ZFX: variants seen among roughly 807,000 people sequenced by gnomAD.
ZFX encodes zinc finger protein X-linked.
For synonymous variants in ZFX, 196 were observed against 226.8 expected (o/e 0.86, Z 1.22); for missense variants, 362 against 628.3 (o/e 0.58, Z 4.53).
chrX:24,199,045 CAA>C (rs2147934296), intron 5 of ZFX, among the ~76,000 whole-genome samples: 1 of 110,817 alleles, frequency 9.0e-6, no homozygotes, highest in Admixed American at 9.6e-5. Flanking sequence ...GAGGCTCCAG[CAA>C]AAGAGTGAGG....
chrX:24,153,281 C>G (rs1408518092), intron 3 of ZFX, among the ~76,000 whole-genome samples: 1 of 111,657 alleles, frequency 9.0e-6, no homozygotes, highest in Non-Finnish European at 1.9e-5. Flanking sequence ...GGGTAGATGG[C>G]CATCTGATAA....
intron 3 of ZFX, among the ~76,000 whole-genome samples, chrX:24,170,634 G>C (rs60782128): frequency 1.2e-5 from 1 of 85,376 alleles, no homozygotes; most frequent in African/African-American, 4.6e-5. Context: ...TTTTTGAGAC[G>C]GAGTGTTGCT....
chrX:24,157,340 T>G (rs2520333), intron 3 of ZFX, among the ~76,000 whole-genome samples: 42,925 of 110,730 alleles, frequency 0.39, 6,200 homozygotes, highest in South Asian at 0.77. Context: ...TGCTGAACTC[T>G]CATCATATTT....
At chrX:24,165,844 C>T (rs1009950579) in intron 3 of ZFX, among the ~76,000 whole-genome samples, 1 of 112,130 alleles carries the variant, frequency 8.9e-6, no homozygotes, top group Admixed American at 9.5e-5. Context: ...AGAATTTCAG[C>T]AAAAACTAAT....
chrX:24,205,557 A>T (rs1012262560), intron 5 of ZFX, among the ~76,000 whole-genome samples: 17 of 112,575 alleles, frequency 1.5e-4, no homozygotes, highest in Admixed American at 3.8e-4. Context: ...GTAAAGTTTT[A>T]AAAAATGTGA....
intron 5 of ZFX, among the ~76,000 whole-genome samples, chrX:24,206,628 C>T (rs112036808): frequency 9.5e-6 from 1 of 105,648 alleles, no homozygotes; most frequent in Non-Finnish European, 1.9e-5. Flanking sequence ...CTCAAGTGAT[C>T]CACCCACCTT....
intron 3 of ZFX, among the ~76,000 whole-genome samples, chrX:24,153,197 T>C (rs1055021541): frequency 1.8e-5 from 2 of 112,156 alleles, no homozygotes; most frequent in Non-Finnish European, 3.8e-5. Context: ...TTTTTCACTC[T>C]TAAAACTACT....
At chrX:24,203,823 G>C (rs1937464218) in intron 5 of ZFX, among the ~76,000 whole-genome samples, 1 of 111,842 alleles carries the variant, frequency 8.9e-6, no homozygotes, top group Admixed American at 9.5e-5. Flanking sequence ...CCATGGCAGC[G>C]ATCAGTGCAC....
chrX:24,199,633 C>T lies in ZFX; in HGVS notation c.647-7693C>T, dbSNP rs187769648. On this transcript the variant is annotated intron_variant, in intron 5 of 9. Coordinates refer to ENST00000304543, the MANE Select transcript of ZFX (RefSeq NM_003410.4). ...GGAGAAATGGGATCAAGAGTTTTTG[C>T]TTAGCCGGGCACGGTGGCTCATGCC... 5.0e-3 allele frequency among the ~76,000 whole-genome samples: 557 copies of T among 111,015 alleles called. 7 individuals are homozygous for T. Among genetic ancestry groups the T allele is most frequent in the African/African-American group, 0.017 (533 of 30,566 alleles).
chrX:24,157,866 C>T (rs1426157053), intron 3 of ZFX, among the ~76,000 whole-genome samples: 2 of 111,647 alleles, frequency 1.8e-5, no homozygotes, highest in African/African-American at 6.5e-5. Flanking sequence ...TCAAGCAATT[C>T]TCCTGCCTCA....
intron 5 of ZFX, among the ~76,000 whole-genome samples, chrX:24,184,609 A>C (rs1158397978): frequency 9.0e-6 from 1 of 110,891 alleles, no homozygotes; most frequent in African/African-American, 3.3e-5. Flanking sequence ...ATTTTCATTA[A>C]AAATTTTATT....
intron 5 of ZFX, among the ~76,000 whole-genome samples, chrX:24,192,934 T>G (rs1936641234): frequency 9.1e-6 from 1 of 110,109 alleles, no homozygotes; most frequent in East Asian, 2.8e-4. Context: ...CTTATTTTAA[T>G]GACTGTTTAA....
chrX:24,162,328 G>A (rs1477547809), intron 3 of ZFX, among the ~76,000 whole-genome samples: 1 of 112,306 alleles, frequency 8.9e-6, no homozygotes, highest in Non-Finnish European at 1.9e-5. Context: ...TTGTCTTCAA[G>A]TATATTAATT....
chrX:24,177,902 G>A, intron 4 of ZFX: 5 of 710,955 alleles, frequency 7.0e-6, no homozygotes, highest in Non-Finnish European at 6.7e-6. Context: ...TAGTATGTTT[G>A]TCACCTGAAG....
At chrX:24,194,283 C>A (rs766588649) in intron 5 of ZFX, among the ~76,000 whole-genome samples, 3 of 111,694 alleles carry the variant, frequency 2.7e-5, no homozygotes, top group Non-Finnish European at 5.6e-5. Flanking sequence ...TTCTCCCCCC[C>A]ACCAAAGCAA....
At chrX:24,189,108 A>G (rs1936362109) in intron 5 of ZFX, among the ~76,000 whole-genome samples, 1 of 112,236 alleles carries the variant, frequency 8.9e-6, no homozygotes, top group Admixed American at 9.4e-5. Flanking sequence ...AAGTGCTAGG[A>G]TTATAGGCGT....
intron 4 of ZFX, chrX:24,175,248 A>G (rs188321888): frequency 5.6e-4 from 63 of 112,707 alleles, no homozygotes; most frequent in Middle Eastern, 4.6e-3. Flanking sequence ...GTAATGGACT[A>G]AGTGGTAGAT....
chrX:24,192,559 C>T (rs148352057), intron 5 of ZFX, among the ~76,000 whole-genome samples: 3 of 111,160 alleles, frequency 2.7e-5, no homozygotes, highest in South Asian at 3.8e-4. Flanking sequence ...GTTCTCAAGA[C>T]GAGCACAAGA....
rs766492413 is a variant in ZFX, at chrX:24,197,225, T to C, written c.647-10101T>C. On this transcript the variant is annotated intron_variant, in intron 5 of 9. Coordinates refer to ENST00000304543, the MANE Select transcript of ZFX (RefSeq NM_003410.4). ...TGGCTTGTACCTGTAATCCCAGCGCTGTAGGAAATGGAAGTGGAAGGATTG... is the reference window on the plus strand; with the variant it reads ...TGGCTTGTACCTGTAATCCCAGCGCCGTAGGAAATGGAAGTGGAAGGATTG... Among the ~76,000 whole-genome samples, 10 of 111,562 alleles carry C rather than the reference T, an allele frequency of 9.0e-5. No individual in the cohort carries two copies. The South Asian group carries it at 3.7e-3, about 42-fold the overall frequency.
Sources: allele counts gnomAD v4.1 joint callset (sites outside exome capture counted in the v4.1 genomes callset), GRCh38; gene constraint gnomAD v4.1.1; transcripts MANE v1.5; gene names NCBI Gene and HGNC (gene_info 2026-07-23, HGNC 2026-07-21).